SGCD: variants seen among roughly 807,000 people sequenced by gnomAD.
The protein encoded by SGCD is delta-sarcoglycan.
In SGCD, 18 loss-of-function variants were observed where a neutral mutation model predicts 36.6. That is an observed-to-expected ratio of 0.49 (90% confidence interval 0.34 to 0.73). The LOEUF (loss-of-function observed/expected upper bound fraction) is 0.73. Ranked by LOEUF, SGCD falls within the 30% of genes least tolerant of loss-of-function variation. The probability of loss-of-function intolerance (pLI) is 0.01; values close to 1 mark genes in which losing one functional copy is unlikely to be tolerated. For synonymous variants in SGCD, 133 were observed against 130.6 expected (o/e 1.02, Z -0.12); for missense variants, 387 against 346.7 (o/e 1.12, Z -0.92).
At chr5:156,530,579 C>A (rs1354232142) in intron 4 of SGCD, among the ~76,000 whole-genome samples, 1 of 144,492 alleles carries the variant, frequency 6.9e-6, no homozygotes, top group Non-Finnish European at 1.5e-5. Flanking sequence ...TTTTTTTTTT[C>A]TTTTTCTTTT....
chr5:156,359,640 G>A (rs1183094039), intron 3 of SGCD, among the ~76,000 whole-genome samples: 2 of 152,146 alleles, frequency 1.3e-5, no homozygotes, highest in Non-Finnish European at 2.9e-5. Context: ...ATTCCTCAGA[G>A]CCTTAGTCTC....
chr5:156,609,413 G>A lies in SGCD; in HGVS notation c.502+14362G>A, dbSNP rs182581388. On this transcript the variant is annotated intron_variant, in intron 6 of 8. Coordinates refer to ENST00000337851, the MANE Select transcript of SGCD (RefSeq NM_000337.6). ...CTTGTAGAGTTTCTGCCGAGAGATC[G>A]GCTGTTAGTCTGATGGGCTTCCCTT... 4.8e-3 allele frequency among the ~76,000 whole-genome samples: 729 copies of A among 152,032 alleles called. 2 individuals carry two copies. The highest frequency in any genetic ancestry group is 0.016 in the African/African-American group (649 of 41,442).
At chr5:156,414,077 T>C (rs1772906843) in intron 3 of SGCD, among the ~76,000 whole-genome samples, 1 of 152,222 alleles carries the variant, frequency 6.6e-6, no homozygotes, top group Non-Finnish European at 1.5e-5. Context: ...TCGATTAGAC[T>C]ATAACATGGT....
At chr5:156,629,034 T>C (rs1019309826) in intron 6 of SGCD, among the ~76,000 whole-genome samples, 6 of 152,234 alleles carry the variant, frequency 3.9e-5, no homozygotes, top group Non-Finnish European at 2.9e-5. Flanking sequence ...TAACTATGTT[T>C]ATCATTTAAA....
At chr5:156,735,238 C>T (rs892543976) in intron 7 of SGCD, among the ~76,000 whole-genome samples, 2 of 152,154 alleles carry the variant, frequency 1.3e-5, no homozygotes, top group African/African-American at 4.8e-5. Context: ...GGTTGGGAGG[C>T]TCCACCCAGT....
At chr5:155,828,099 C>T in the SGCD span, among the ~76,000 whole-genome samples, 1 of 152,038 alleles carries the variant, frequency 6.6e-6, no homozygotes, top group Non-Finnish European at 1.5e-5. Context: ...TACTTATTGA[C>T]TTAGTGACCT....
the SGCD span, among the ~76,000 whole-genome samples, chr5:155,858,045 CGTG>C: frequency 3.9e-5 from 6 of 152,130 alleles, no homozygotes; most frequent in South Asian, 1.0e-3. Context: ...AACTATAACT[CGTG>C]GTAGTGATGT....
intron 2 of SGCD, among the ~76,000 whole-genome samples, chr5:156,122,780 C>G (rs999477030): frequency 1.3e-4 from 18 of 135,266 alleles, no homozygotes; most frequent in African/African-American, 5.1e-4. Flanking sequence ...CTGAGAGAGC[C>G]TGCTGTGCAA....
chr5:156,603,300 T>G (rs1294783431), intron 6 of SGCD, among the ~76,000 whole-genome samples: 1 of 152,106 alleles, frequency 6.6e-6, no homozygotes, highest in Non-Finnish European at 1.5e-5. Flanking sequence ...ACTTTTTTAT[T>G]TTAGATTTTA....
chr5:156,701,238 C>T (rs192153812), intron 7 of SGCD, among the ~76,000 whole-genome samples: 1 of 152,304 alleles, frequency 6.6e-6, no homozygotes, highest in East Asian at 1.9e-4. Context: ...ACTGTCTTTG[C>T]TGTCTCAGTA....
intron 4 of SGCD, among the ~76,000 whole-genome samples, chr5:156,555,994 G>A (rs1759003608): frequency 6.6e-6 from 1 of 151,710 alleles, no homozygotes; most frequent in Admixed American, 6.6e-5. Flanking sequence ...TCCTTCCAAA[G>A]ATTCATCTTT....
intron 3 of SGCD, among the ~76,000 whole-genome samples, chr5:156,366,218 T>C (rs1422903036): frequency 6.6e-6 from 1 of 152,184 alleles, no homozygotes; most frequent in Non-Finnish European, 1.5e-5. Flanking sequence ...GGAAAAATAC[T>C]ACCAAGTGAG....
At chr5:155,974,229 T>A (rs957271616) in intron 1 of SGCD, among the ~76,000 whole-genome samples, 2 of 152,152 alleles carry the variant, frequency 1.3e-5, no homozygotes, top group African/African-American at 2.4e-5. Flanking sequence ...GAGTGACTTT[T>A]GGGCTCACGT....
At chr5:156,673,902 A>C (rs1753405386) in intron 7 of SGCD, among the ~76,000 whole-genome samples, 1 of 152,198 alleles carries the variant, frequency 6.6e-6, no homozygotes, top group South Asian at 2.1e-4. Context: ...GAGAATATTG[A>C]CTGTGTACTG....
At chr5:155,891,260 G>A (rs920384620) in intron 1 of SGCD, among the ~76,000 whole-genome samples, 3 of 152,288 alleles carry the variant, frequency 2.0e-5, no homozygotes, top group Admixed American at 6.5e-5. Flanking sequence ...CCTTGTTCTG[G>A]TCAGCACTTA....
At chr5:156,709,014 AG>A (rs141243873) in intron 7 of SGCD, among the ~76,000 whole-genome samples, 3,653 of 152,258 alleles carry the variant, frequency 0.024, 151 homozygotes, top group African/African-American at 0.083. Flanking sequence ...AGCTAATAAG[AG>A]CCTAGAGTCT....
At chr5:156,355,707 G>A (rs1465993801) in intron 3 of SGCD, among the ~76,000 whole-genome samples, 4 of 152,216 alleles carry the variant, frequency 2.6e-5, no homozygotes, top group African/African-American at 9.6e-5. Flanking sequence ...TGTGATCCCA[G>A]CTCACTCCAA....
intron 3 of SGCD, among the ~76,000 whole-genome samples, chr5:156,220,047 A>C (rs1358499558): frequency 1.3e-5 from 2 of 152,046 alleles, no homozygotes; most frequent in Non-Finnish European, 2.9e-5. Flanking sequence ...GCAGGATATA[A>C]GACAAAATAC....
At chr5:155,984,929 G>A (rs1017926010) in intron 1 of SGCD, among the ~76,000 whole-genome samples, 1 of 152,170 alleles carries the variant, frequency 6.6e-6, no homozygotes, top group Non-Finnish European at 1.5e-5. Flanking sequence ...TCCTGTTTTT[G>A]CTCATCACTA....
Sources: allele counts gnomAD v4.1 joint callset (sites outside exome capture counted in the v4.1 genomes callset), GRCh38; gene constraint gnomAD v4.1.1; transcripts MANE v1.5; gene names NCBI Gene and HGNC (gene_info 2026-07-23, HGNC 2026-07-21).